Variants in PEAK1 observed in about 807,000 individuals in gnomAD.
The protein encoded by PEAK1 is pseudopodium enriched atypical kinase 1, also known as inactive tyrosine-protein kinase PEAK1.
In PEAK1, 54 loss-of-function variants were observed where a neutral mutation model predicts 124.7. The ratio of observed to expected loss-of-function variants is 0.43; its 90% CI spans 0.35 to 0.54. The LOEUF is 0.54. Among genes scored for constraint, PEAK1 ranks in the 20% least tolerant of loss-of-function variants. The pLI, the probability that PEAK1 is intolerant of heterozygous loss-of-function variation, is 0.01. For missense variants in PEAK1, 2,046 were observed against 2,134.5 expected, an observed-to-expected ratio of 0.96 and a Z score of 0.82; for synonymous variants, 719 against 760.0, an observed-to-expected ratio of 0.95 and a Z score of 0.89.
At chr15:77,213,733 G>A (rs148900354) in intron 6 of PEAK1, among the ~76,000 whole-genome samples, 2 of 152,046 alleles carry the variant, frequency 1.3e-5, no homozygotes, top group African/African-American at 4.8e-5. Context: ...ACAAACCTGG[G>A]CTTACATGAT....
chr15:77,406,180 C>A (rs956394270), intron 1 of PEAK1, among the ~76,000 whole-genome samples: 4 of 152,138 alleles, frequency 2.6e-5, no homozygotes, highest in Non-Finnish European at 4.4e-5. Flanking sequence ...TGAATTAAGA[C>A]CCAGCAGTTT....
intron 6 of PEAK1, among the ~76,000 whole-genome samples, chr15:77,190,436 T>C (rs2057776651): frequency 6.6e-6 from 1 of 152,224 alleles, no homozygotes; most frequent in Non-Finnish European, 1.5e-5. Flanking sequence ...CACACTGGAA[T>C]CTGGGATGTG....
intron 2 of PEAK1, among the ~76,000 whole-genome samples, chr15:77,358,825 T>A (rs572934858): frequency 6.6e-6 from 1 of 152,318 alleles, no homozygotes; most frequent in African/African-American, 2.4e-5. Context: ...GAAATTTTAA[T>A]GGATAATGAC....
intron 1 of PEAK1, among the ~76,000 whole-genome samples, chr15:77,374,328 C>T (rs2068850217): frequency 6.6e-6 from 1 of 152,066 alleles, no homozygotes; most frequent in Admixed American, 6.5e-5. Flanking sequence ...TAATTATAAA[C>T]AGAATACCAT....
intron 2 of PEAK1, chr15:77,348,966 A>C: frequency 1.1e-6 from 1 of 944,238 alleles, no homozygotes; most frequent in Non-Finnish European, 1.3e-6. Flanking sequence ...TAGAGATTTA[A>C]AGCCTTTCTT....
chr15:77,161,299 A>C (rs1255029795), intron 7 of PEAK1, among the ~76,000 whole-genome samples: 1 of 152,108 alleles, frequency 6.6e-6, no homozygotes, highest in Admixed American at 6.5e-5. Context: ...CTGCACCTTG[A>C]CCCTTACCTT....
chr15:77,114,823 A>G lies in PEAK1; in HGVS notation c.4574T>C (p.Val1525Ala). 2 of 1,613,518 alleles carry G rather than the reference A, an allele frequency of 1.2e-6. No individual in the cohort carries two copies. The highest frequency in any genetic ancestry group is 1.7e-6 in the Non-Finnish European group (2 of 1,179,972). Residue 1525 changes from valine to alanine, a missense_variant, in exon 10 of 10, where the codon GTC becomes GCC. Physicochemically the swap from Val to Ala is moderately conservative, Grantham distance 64. Coordinates refer to ENST00000682557, the MANE Select transcript of PEAK1 (RefSeq NM_001385026.1). Reference sequence around the variant, plus strand: ...GGCAGTCCCCCCAGGCTGGTAGTGGACAAGTAGCAGGTTCTCTAGGCGTAG... The same window carrying G: ...GGCAGTCCCCCCAGGCTGGTAGTGGGCAAGTAGCAGGTTCTCTAGGCGTAG... Reference protein sequence around the residue: ...CDLRLENLLLVHYQPGGTAQG... With the variant: ...CDLRLENLLLAHYQPGGTAQG...
chr15:77,188,740 T>C (rs1054790335), intron 6 of PEAK1, among the ~76,000 whole-genome samples: 5 of 152,190 alleles, frequency 3.3e-5, no homozygotes, highest in African/African-American at 1.2e-4. Flanking sequence ...TTATACCACA[T>C]TGTTTTGTAA....
intron 9 of PEAK1, among the ~76,000 whole-genome samples, chr15:77,122,414 A>G (rs1189684621): frequency 6.6e-6 from 1 of 152,176 alleles, no homozygotes; most frequent in Non-Finnish European, 1.5e-5. Context: ...TGAGCCAGTA[A>G]TTTAGGCTGA....
intron 3 of PEAK1, among the ~76,000 whole-genome samples, chr15:77,285,818 T>C (rs953959794): frequency 2.0e-5 from 3 of 152,222 alleles, no homozygotes; most frequent in African/African-American, 4.8e-5. Context: ...CCTGCATTCA[T>C]TGATTTTTTG....
chr15:77,410,159 C>T (rs1477470809), intron 1 of PEAK1, among the ~76,000 whole-genome samples: 1 of 151,682 alleles, frequency 6.6e-6, no homozygotes, highest in Non-Finnish European at 1.5e-5. Context: ...ATGATCTCGG[C>T]TCACTGGAAC....
chr15:77,349,043 T>A (rs1419613480), intron 2 of PEAK1: 1 of 703,908 alleles, frequency 1.4e-6, no homozygotes, highest in Non-Finnish European at 1.7e-6. Context: ...AGTCAATAAT[T>A]TTTTTTTTTT....
intron 6 of PEAK1, among the ~76,000 whole-genome samples, chr15:77,196,258 C>T (rs1306796792): frequency 6.6e-6 from 1 of 152,188 alleles, no homozygotes; most frequent in Non-Finnish European, 1.5e-5. Flanking sequence ...TCCTGCACGA[C>T]AGGTTGCCAT....
chr15:77,275,385 T>C (rs1255990425), intron 5 of PEAK1, among the ~76,000 whole-genome samples: 3 of 152,096 alleles, frequency 2.0e-5, no homozygotes, highest in Non-Finnish European at 2.9e-5. Context: ...TTAAACAACA[T>C]GGGTTAAATC....
chr15:77,370,889 G>T, intron 1 of PEAK1: 1 of 447,092 alleles, frequency 2.2e-6, no homozygotes, highest in Non-Finnish European at 3.0e-6. Context: ...AATTAATCAC[G>T]TGTGGTGGCC....
At chr15:77,407,470 A>G (rs1385284691) in intron 1 of PEAK1, among the ~76,000 whole-genome samples, 1 of 152,152 alleles carries the variant, frequency 6.6e-6, no homozygotes, top group African/African-American at 2.4e-5. Flanking sequence ...TGAAAAGACA[A>G]TTCTCAAAAG....
chr15:77,359,702 C>T (rs1206679505), intron 2 of PEAK1, among the ~76,000 whole-genome samples: 1 of 151,830 alleles, frequency 6.6e-6, no homozygotes, highest in Non-Finnish European at 1.5e-5. Context: ...ATACTATTAA[C>T]AAAATAAAGT....
At chr15:77,231,142 T>A (rs1210471244) in intron 6 of PEAK1, among the ~76,000 whole-genome samples, 1 of 152,080 alleles carries the variant, frequency 6.6e-6, no homozygotes, top group Non-Finnish European at 1.5e-5. Context: ...AACAGTGATA[T>A]GAGGTACTTG....
At chr15:77,134,261 A>C (rs1054874351) in intron 8 of PEAK1, among the ~76,000 whole-genome samples, 1 of 152,230 alleles carries the variant, frequency 6.6e-6, no homozygotes, top group Admixed American at 6.5e-5. Context: ...GTTACATTGT[A>C]TTATATATAG....
Sources: allele counts gnomAD v4.1 joint callset (sites outside exome capture counted in the v4.1 genomes callset), GRCh38; gene constraint gnomAD v4.1.1; transcripts MANE v1.5; gene names NCBI Gene and HGNC (gene_info 2026-07-23, HGNC 2026-07-21).